Variants in GLI3 observed in about 807,000 individuals in gnomAD.
The protein encoded by GLI3 is GLI family zinc finger 3, also known as transcription activator GLI3.
GLI3 carries 20 observed loss-of-function variants against 100.8 expected under a neutral mutation model. The ratio of observed to expected loss-of-function variants is 0.20; its 90% CI spans 0.14 to 0.29. GLI3 has a LOEUF of 0.29. Among genes scored for constraint, GLI3 ranks in the 10% least tolerant of loss-of-function variants. The pLI, the probability that GLI3 is intolerant of heterozygous loss-of-function variation, is 1.00. For synonymous variants in GLI3, 938 were observed against 860.5 expected (o/e 1.09, Z -1.58); for missense variants, 2,040 against 2,128.5 (o/e 0.96, Z 0.82).
chr7:42,026,183 G>A lies in GLI3; in HGVS notation c.1242+16C>T, dbSNP rs754808194. Reference sequence around the variant, plus strand: ...GCTGACCAGCACGGCCGGGTGCATCGACCTGTCCCTCTCACCTGTGAGGAC... The same window carrying A: ...GCTGACCAGCACGGCCGGGTGCATCAACCTGTCCCTCTCACCTGTGAGGAC... On this transcript the variant is annotated intron_variant, in intron 8 of 14. Transcript: ENST00000395925. 43 of 1,593,388 alleles carry A rather than the reference G, an allele frequency of 2.7e-5. No individual in the cohort carries two copies. Among genetic ancestry groups the A allele is most frequent in the South Asian group, 2.2e-4 (20 of 89,550 alleles).
At chr7:42,029,545 G>A (rs1465958509) in intron 7 of GLI3, among the ~76,000 whole-genome samples, 1 of 152,156 alleles carries the variant, frequency 6.6e-6, no homozygotes, top group Non-Finnish European at 1.5e-5. Flanking sequence ...GAAAACCTGA[G>A]CCACCACAGC....
At chr7:42,100,133 AC>A (rs1266135117) in intron 3 of GLI3, among the ~76,000 whole-genome samples, 1 of 152,182 alleles carries the variant, frequency 6.6e-6, no homozygotes, top group Non-Finnish European at 1.5e-5. Context: ...CCCACTCCCA[AC>A]CCCAGTATTT....
intron 9 of GLI3, among the ~76,000 whole-genome samples, chr7:42,024,621 C>G (rs1789049518): frequency 6.6e-6 from 1 of 152,096 alleles, no homozygotes; most frequent in South Asian, 2.1e-4. Flanking sequence ...GCTGAGAGCC[C>G]TATGAGATGA....
chr7:41,973,672 C>T (rs1256438755), intron 12 of GLI3, among the ~76,000 whole-genome samples: 2 of 152,118 alleles, frequency 1.3e-5, no homozygotes, highest in African/African-American at 4.8e-5. Flanking sequence ...AGCAGGATTA[C>T]TATAATGTAC....
At chr7:42,167,059 T>G (rs1787260343) in intron 2 of GLI3, among the ~76,000 whole-genome samples, 1 of 152,128 alleles carries the variant, frequency 6.6e-6, no homozygotes, top group African/African-American at 2.4e-5. Flanking sequence ...ACTCCTGACC[T>G]CAGGTGATCC....
intron 7 of GLI3, among the ~76,000 whole-genome samples, chr7:42,032,030 G>A (rs542769600): frequency 6.6e-6 from 1 of 152,262 alleles, no homozygotes; most frequent in East Asian, 1.9e-4. Context: ...TAGCATTACA[G>A]TAAACAGCAC....
chr7:42,169,295 G>A (rs1429942543), intron 2 of GLI3, among the ~76,000 whole-genome samples: 1 of 152,010 alleles, frequency 6.6e-6, no homozygotes, highest in African/African-American at 2.4e-5. Context: ...ATGTTACTCT[G>A]TATCAAAAAA....
chr7:42,247,881 G>A (rs1788992003), intron 1 of GLI3, among the ~76,000 whole-genome samples: 1 of 152,178 alleles, frequency 6.6e-6, no homozygotes, highest in Non-Finnish European at 1.5e-5. Flanking sequence ...CAACACAGTG[G>A]CAATGCAGAA....
rs1427762763 is a variant in GLI3, at chr7:41,961,301, A to C, written c.*3029T>G. 6.6e-6 allele frequency: 1 copy of C among 152,572 alleles called. No individual in the cohort carries two copies. The highest frequency in any genetic ancestry group is 1.5e-5 in the Non-Finnish European group (1 of 68,042). 9.5% of individuals were successfully genotyped at this position (152,572 alleles called of 1,614,324 possible). A position where few individuals can be genotyped will look rare whatever the true frequency, so the allele number is the denominator to read the frequency against. On this transcript the variant is annotated 3_prime_UTR_variant, in exon 15 of 15. Transcript: ENST00000395925. ...CAAGGGTAACTTGTCAGAAGAGAAC[A>C]TCCTCCTATCAGTTCAAAACAACAC... is the stretch of plus-strand genomic sequence containing the variant.
At chr7:42,135,308 T>C (rs1297248991) in intron 3 of GLI3, among the ~76,000 whole-genome samples, 2 of 152,250 alleles carry the variant, frequency 1.3e-5, no homozygotes, top group Admixed American at 1.3e-4. Flanking sequence ...TTTAGACTAT[T>C]CTAGCTAGCT....
At chr7:42,166,398 G>A (rs547259505) in intron 2 of GLI3, among the ~76,000 whole-genome samples, 3 of 152,272 alleles carry the variant, frequency 2.0e-5, no homozygotes, top group Non-Finnish European at 4.4e-5. Context: ...AACAGTATAC[G>A]TTTGCTGCTG....
intron 10 of GLI3, among the ~76,000 whole-genome samples, chr7:42,003,280 G>C (rs1788360751): frequency 6.6e-6 from 1 of 152,090 alleles, no homozygotes; most frequent in South Asian, 2.1e-4. Flanking sequence ...TAAAAAGAAA[G>C]AAAGAAATGA....
At position 42,223,154 on chromosome 7, in the gene GLI3, C is replaced by T. The variant is rs201887880; in HGVS notation, c.100G>A (p.Val34Ile). 20 of 1,613,898 alleles carry T rather than the reference C, an allele frequency of 1.2e-5. No homozygotes were observed. Among genetic ancestry groups the T allele is most frequent in the South Asian group, 6.6e-5 (6 of 91,078 alleles). Residue 34 changes from valine (V) to isoleucine (I), a missense_variant, in exon 2 of 15, where the codon GTT becomes ATT. Val to Ile is a conservative substitution (Grantham distance 29). This residue lies in a region of GLI3 where 603 missense variants were observed against 690.9 expected (regional missense o/e 0.87). Coordinates refer to ENST00000395925, the MANE Select transcript of GLI3 (RefSeq NM_000168.6). ...CCATTAGAAGTGGTGCTGGAGGCAA[C>T]GGCTTTCTCGCTCACATCTGTTCGA... is the stretch of plus-strand genomic sequence containing the variant. ...STRTDVSEKA[V>I]ASSTTSNEDE...
chr7:42,061,764 T>C (rs2237421), intron 4 of GLI3, among the ~76,000 whole-genome samples: 74,167 of 151,954 alleles, frequency 0.49, 18,460 homozygotes, highest in South Asian at 0.54. Flanking sequence ...TAGTGTACTG[T>C]AGAGTGTATG....
At chr7:42,253,662 A>T (rs1789056116) in intron 1 of GLI3, among the ~76,000 whole-genome samples, 1 of 152,198 alleles carries the variant, frequency 6.6e-6, no homozygotes, top group Non-Finnish European at 1.5e-5. Flanking sequence ...TGGGTAAGTT[A>T]ATTAAAATTT....
At chr7:41,996,569 G>A (rs1788130962) in intron 10 of GLI3, among the ~76,000 whole-genome samples, 1 of 152,142 alleles carries the variant, frequency 6.6e-6, no homozygotes, top group African/African-American at 2.4e-5. Context: ...TTACATTCCT[G>A]ACCCAAGAGA....
intron 3 of GLI3, among the ~76,000 whole-genome samples, chr7:42,107,918 C>T (rs1785613820): frequency 1.3e-5 from 2 of 152,126 alleles, no homozygotes; most frequent in Admixed American, 1.3e-4. Flanking sequence ...TAAACTTTTT[C>T]CTCTTCACTG....
intron 10 of GLI3, among the ~76,000 whole-genome samples, chr7:42,021,449 G>T (rs1788939556): frequency 1.3e-5 from 2 of 152,116 alleles, no homozygotes; most frequent in Admixed American, 1.3e-4. Context: ...AAACTACTCA[G>T]ATCTCTCTAT....
At chr7:42,039,379 AG>A (rs1311536532) in intron 7 of GLI3, among the ~76,000 whole-genome samples, 1 of 152,250 alleles carries the variant, frequency 6.6e-6, no homozygotes, top group Non-Finnish European at 1.5e-5. Flanking sequence ...GCTTCATGGA[AG>A]GAAGTGTCAA....
Sources: allele counts gnomAD v4.1 joint callset (sites outside exome capture counted in the v4.1 genomes callset), GRCh38; gene constraint gnomAD v4.1.1; regional missense constraint gnomAD v4.1.1; transcripts MANE v1.5; gene names NCBI Gene and HGNC (gene_info 2026-07-23, HGNC 2026-07-21).